The following OCA2 variants were observed in gnomAD, a reference collection of about 807,000 sequenced individuals.
OCA2 encodes the protein P protein.
Under a neutral mutation model 100.2 loss-of-function variants are expected in OCA2, and 77 were observed. The ratio of observed to expected loss-of-function variants is 0.77; its 90% confidence interval spans 0.64 to 0.93. The LOEUF (loss-of-function observed/expected upper bound fraction) is 0.93. Ranked by LOEUF, OCA2 falls within the 40% of genes least tolerant of loss-of-function variation. The pLI is 0.00. For missense variants in OCA2, 1,062 were observed against 1,089.1 expected (o/e 0.98, Z 0.35); for synonymous variants, 432 against 439.2 (o/e 0.98, Z 0.21).
At chr15:28,080,878 C>T (rs181303392) in intron 2 of OCA2, among the ~76,000 whole-genome samples, 1 of 152,274 alleles carries the variant, frequency 6.6e-6, no homozygotes, top group Non-Finnish European at 1.5e-5. Context: ...CATTCATTGT[C>T]TTTACATAAG....
intron 2 of OCA2, among the ~76,000 whole-genome samples, chr15:28,061,862 G>A (rs1013525846): frequency 6.6e-6 from 1 of 152,160 alleles, no homozygotes; most frequent in Non-Finnish European, 1.5e-5. Flanking sequence ...CACTGAGCAT[G>A]TCCTTAAGGT....
the OCA2 span, among the ~76,000 whole-genome samples, chr15:27,743,573 C>G: frequency 3.9e-5 from 6 of 152,160 alleles, no homozygotes; most frequent in Non-Finnish European, 8.8e-5. Flanking sequence ...CTGTCCATAT[C>G]ACAGATGGTC....
At chr15:27,867,371 C>T (rs899722558) in intron 21 of OCA2, among the ~76,000 whole-genome samples, 32 of 152,012 alleles carry the variant, frequency 2.1e-4, no homozygotes, top group Admixed American at 2.0e-3. Context: ...TAGTTCAAGT[C>T]GATAAGTCAT....
At chr15:27,749,387 G>A in the OCA2 span, among the ~76,000 whole-genome samples, 1 of 152,184 alleles carries the variant, frequency 6.6e-6, no homozygotes, top group Non-Finnish European at 1.5e-5. Context: ...GAATGAAGGT[G>A]AAATGAAACT....
At chr15:27,989,920 G>T (rs1374665227) in intron 10 of OCA2, among the ~76,000 whole-genome samples, 1 of 152,188 alleles carries the variant, frequency 6.6e-6, no homozygotes. Context: ...GCTCCCACAT[G>T]GCGGGACTGG....
At chr15:27,737,239 T>C in the OCA2 span, among the ~76,000 whole-genome samples, 5 of 152,312 alleles carry the variant, frequency 3.3e-5, no homozygotes, top group East Asian at 7.7e-4. Flanking sequence ...CTCAAATTTA[T>C]TTGTAGATTC....
intron 11 of OCA2, among the ~76,000 whole-genome samples, chr15:27,988,512 A>T (rs940830712): frequency 1.3e-5 from 2 of 152,060 alleles, no homozygotes; most frequent in Admixed American, 6.6e-5. Flanking sequence ...CAAAGTGAAA[A>T]CGCTGGGAGA....
rs541869122 is a variant in OCA2, at chr15:27,804,430, A to G, written c.2432+40529T>C. ...AATTGTCTTCTTGAAACTCAAAGGA[A>G]AAAAGTTGCCCAGTTTGTGAAGTAG... On this transcript the variant is annotated intron_variant, in intron 23 of 23. Transcript: ENST00000354638. Among the ~76,000 whole-genome samples the G allele has an allele frequency of 5.3e-5, 8 of 152,322 alleles. No individual in the cohort carries two copies. The East Asian group carries it at 1.3e-3, about 26-fold the overall frequency.
chr15:27,916,811 A>G (rs1283759207), intron 19 of OCA2, among the ~76,000 whole-genome samples: 1 of 152,200 alleles, frequency 6.6e-6, no homozygotes, highest in African/African-American at 2.4e-5. Context: ...CACCTGACCT[A>G]CTGTATGTGC....
chr15:27,759,601 A>ATTT lies in OCA2; in HGVS notation c.2433-4130_2433-4129insAAA, dbSNP rs1169288133. Among the ~76,000 whole-genome samples the ATTT allele has an allele frequency of 8.6e-3, 1,305 of 152,132 alleles. 18 individuals carry two copies. Among genetic ancestry groups the ATTT allele is most frequent in the African/African-American group, 0.03 (1,258 of 41,502 alleles). ...GAGGGATATTGCATATAGATAAAGC[A>ATTT]GTCAATCCACCGAGAGATCATAGTT... On this transcript the variant is annotated intron_variant, in intron 23 of 23. Transcript: ENST00000354638.
At chr15:28,069,618 G>C (rs866062995) in intron 2 of OCA2, among the ~76,000 whole-genome samples, 7,897 of 140,728 alleles carry the variant, frequency 0.056, 754 homozygotes, top group African/African-American at 0.2. Context: ...TGGCCGGGCC[G>C]GTCTCCAGCC....
intron 2 of OCA2, among the ~76,000 whole-genome samples, chr15:28,049,303 T>C (rs1456111170): frequency 6.6e-6 from 1 of 152,160 alleles, no homozygotes; most frequent in Non-Finnish European, 1.5e-5. Flanking sequence ...CTAGGATGGC[T>C]AGAATAAAAA....
At chr15:28,091,811 C>T (rs1248571957) in intron 1 of OCA2, among the ~76,000 whole-genome samples, 1 of 152,100 alleles carries the variant, frequency 6.6e-6, no homozygotes, top group East Asian at 1.9e-4. Context: ...CAGAAATTAG[C>T]CAGGCATGGT....
intron 1 of OCA2, 96 bp from the exon 2 acceptor site, chr15:28,081,991 G>A (rs909432286): frequency 9.2e-5 from 95 of 1,036,762 alleles, no homozygotes; most frequent in East Asian, 1.3e-4. Context: ...TTGCTTCTTC[G>A]GAGGCGGTCC....
At chr15:27,774,523 G>C (rs1467677347) in intron 23 of OCA2, among the ~76,000 whole-genome samples, 2 of 152,170 alleles carry the variant, frequency 1.3e-5, no homozygotes, top group African/African-American at 4.8e-5. Flanking sequence ...CCACTTCTCT[G>C]ATCTTTGAGC....
At chr15:27,733,532 G>A in the OCA2 span, among the ~76,000 whole-genome samples, 1 of 152,158 alleles carries the variant, frequency 6.6e-6, no homozygotes, top group African/African-American at 2.4e-5. Context: ...CATCTCAGTT[G>A]GCTGTGCCCA....
chr15:28,095,323 A>T (rs912748837), intron 1 of OCA2, among the ~76,000 whole-genome samples: 2 of 151,658 alleles, frequency 1.3e-5, no homozygotes, highest in African/African-American at 4.8e-5. Context: ...CGGCCCTCCC[A>T]CCCCGCCCCT....
chr15:27,798,631 T>C (rs185054966), intron 23 of OCA2, among the ~76,000 whole-genome samples: 11 of 152,050 alleles, frequency 7.2e-5, no homozygotes, highest in Non-Finnish European at 1.3e-4. Context: ...TGAACTTTTC[T>C]TATTAATTTG....
intron 23 of OCA2, among the ~76,000 whole-genome samples, chr15:27,804,030 GA>G (rs1419470772): frequency 6.6e-6 from 1 of 152,080 alleles, no homozygotes; most frequent in Non-Finnish European, 1.5e-5. Flanking sequence ...GTACATATGT[GA>G]AAACTTATCA....
Sources: gnomAD v4.1 joint callset for allele counts (sites outside exome capture counted in the v4.1 genomes callset) on GRCh38, gnomAD v4.1.1 for gene constraint, MANE v1.5 for transcripts, NCBI Gene and HGNC (gene_info 2026-07-23, HGNC 2026-07-21) for gene names.